The following DISP1 variants were observed in gnomAD, a reference collection of about 807,000 sequenced individuals.
DISP1 encodes the protein dispatched RND transporter family member 1.
DISP1 carries 30 observed loss-of-function variants against 37.3 expected under a neutral mutation model. That is an observed-to-expected ratio of 0.80 (90% CI 0.60 to 1.09). The LOEUF is 1.09. Ranked by LOEUF, DISP1 falls within the 50% of genes least tolerant of loss-of-function variation. DISP1 has a pLI of 0.00. For missense variants in DISP1, 1,598 were observed against 1,879.5 expected, an observed-to-expected ratio of 0.85 and a Z score of 2.77; for synonymous variants, 634 against 690.2, an observed-to-expected ratio of 0.92 and a Z score of 1.28.
chr1:222,933,228 A>G (rs1673512872), intron 2 of DISP1, among the ~76,000 whole-genome samples: 1 of 151,802 alleles, frequency 6.6e-6, no homozygotes, highest in Admixed American at 6.6e-5. Context: ...GGAAACTTTA[A>G]TTTTTCTTCT....
rs996584866 is a variant in DISP1, at chr1:222,991,556, T to C, written c.700T>C (p.Leu234=). Residue 234 remains leucine (L), a synonymous_variant, in exon 6 of 9, where the codon TTG becomes CTG. Transcript: ENST00000675850. ...AAGAGGAACAGCAATAGGCCAGAGA[T>C]TGGTCACATGGAATAATATGGTGAA... The part of the protein sequence containing the change: ...EPRGTAIGQR[L]VTWNNMVKNT... 1.1e-5 allele frequency: 17 copies of C among 1,613,770 alleles called. No homozygotes were observed. The highest frequency in any genetic ancestry group is 1.6e-4 in the Middle Eastern group (1 of 6,078).
At chr1:222,815,479 A>G (rs1168924102) in intron 1 of DISP1, among the ~76,000 whole-genome samples, 3 of 152,126 alleles carry the variant, frequency 2.0e-5, no homozygotes, top group Admixed American at 6.5e-5. Context: ...GAGAGGTTAC[A>G]GAGGAGGGAG....
At chr1:222,913,352 G>A (rs1264768197) in intron 1 of DISP1, among the ~76,000 whole-genome samples, 1 of 152,140 alleles carries the variant, frequency 6.6e-6, no homozygotes, top group African/African-American at 2.4e-5. Context: ...TAGCTTGCAT[G>A]TATCAATATA....
At chr1:222,933,999 CACCTT>C (rs1252224297) in intron 2 of DISP1, among the ~76,000 whole-genome samples, 1 of 151,954 alleles carries the variant, frequency 6.6e-6, no homozygotes, top group Non-Finnish European at 1.5e-5. Flanking sequence ...GGATGGATAA[CACCTT>C]TCCTTAATTT....
intron 8 of DISP1, among the ~76,000 whole-genome samples, chr1:222,997,343 A>G (rs1220379369): frequency 2.0e-5 from 3 of 152,182 alleles, no homozygotes; most frequent in South Asian, 2.1e-4. Context: ...AACAAAAGTC[A>G]TATAAATAGG....
At chr1:222,917,237 G>T (rs1672543440) in intron 1 of DISP1, among the ~76,000 whole-genome samples, 1 of 132,940 alleles carries the variant, frequency 7.5e-6, no homozygotes, top group Non-Finnish European at 1.6e-5. Context: ...TTCTGCATTT[G>T]TCCCCCCTTC....
At chr1:222,908,527 C>T (rs1415109897) in intron 1 of DISP1, among the ~76,000 whole-genome samples, 1 of 152,112 alleles carries the variant, frequency 6.6e-6, no homozygotes, top group Non-Finnish European at 1.5e-5. Flanking sequence ...TCCCCAGTAT[C>T]TGGGATTACA....
At chr1:222,885,075 G>A (rs1366073429) in intron 1 of DISP1, among the ~76,000 whole-genome samples, 4 of 152,062 alleles carry the variant, frequency 2.6e-5, no homozygotes, top group Admixed American at 2.6e-4. Context: ...TGATCCGCCC[G>A]CCTCGGCCTC....
At chr1:222,938,144 A>G (rs560069899) in intron 2 of DISP1, among the ~76,000 whole-genome samples, 223 of 152,246 alleles carry the variant, frequency 1.5e-3, no homozygotes, top group African/African-American at 5.2e-3. Context: ...AAGTGCTGGG[A>G]TTACAGGCAT....
intron 1 of DISP1, among the ~76,000 whole-genome samples, chr1:222,913,074 T>C (rs1353608204): frequency 6.6e-6 from 1 of 151,868 alleles, no homozygotes; most frequent in African/African-American, 2.4e-5. Context: ...CTAATTAGAC[T>C]TTAAAGTTTT....
At chr1:222,917,017 T>G (rs1672529597) in intron 1 of DISP1, among the ~76,000 whole-genome samples, 1 of 152,184 alleles carries the variant, frequency 6.6e-6, no homozygotes, top group East Asian at 1.9e-4. Context: ...TTCTTGTGAT[T>G]AGGCACATTT....
chr1:222,857,051 T>G (rs1163313917), intron 1 of DISP1, among the ~76,000 whole-genome samples: 1 of 152,266 alleles, frequency 6.6e-6, no homozygotes, highest in African/African-American at 2.4e-5. Flanking sequence ...ATTCAAAATA[T>G]TATCACCAAT....
chr1:222,894,895 G>A (rs886506784), intron 1 of DISP1, among the ~76,000 whole-genome samples: 20 of 152,256 alleles, frequency 1.3e-4, no homozygotes, highest in African/African-American at 4.6e-4. Flanking sequence ...AATAACCTAC[G>A]AGATTGAGAA....
intron 3 of DISP1, among the ~76,000 whole-genome samples, chr1:222,950,520 A>G (rs950627579): frequency 6.6e-6 from 1 of 152,102 alleles, no homozygotes; most frequent in Non-Finnish European, 1.5e-5. Context: ...GAATGGCCTG[A>G]ACCCGGGAGG....
intron 1 of DISP1, among the ~76,000 whole-genome samples, chr1:222,847,734 C>G (rs992410071): frequency 7.9e-5 from 12 of 152,040 alleles, no homozygotes; most frequent in South Asian, 2.1e-4. Context: ...CATGTGCAAC[C>G]CAGGGGGAAG....
At chr1:222,975,772 A>G (rs1677272685) in intron 3 of DISP1, among the ~76,000 whole-genome samples, 1 of 152,250 alleles carries the variant, frequency 6.6e-6, no homozygotes, top group Admixed American at 6.5e-5. Context: ...TCAAGTGTGA[A>G]GTGCCAAGGG....
At chr1:222,825,499 C>CTTTTTTTTT in intron 1 of DISP1, among the ~76,000 whole-genome samples, 2 of 131,820 alleles carry the variant, frequency 1.5e-5, no homozygotes, top group Non-Finnish European at 3.2e-5. Context: ...ACCTGTTTCT[C>CTTTTTTTTT]TTTTTTTTTT....
intron 1 of DISP1, among the ~76,000 whole-genome samples, chr1:222,821,347 G>T (rs1360511573): frequency 6.6e-5 from 10 of 152,206 alleles, no homozygotes; most frequent in African/African-American, 2.4e-4. Context: ...ACAGATGCCA[G>T]CTCCAAAGAT....
chr1:222,930,284 A>T (rs1037530855), intron 2 of DISP1, among the ~76,000 whole-genome samples: 2 of 152,156 alleles, frequency 1.3e-5, no homozygotes, highest in Admixed American at 6.5e-5. Flanking sequence ...GCCTTGACAT[A>T]CAGATGATAT....
Sources: gnomAD v4.1 joint callset for allele counts (sites outside exome capture counted in the v4.1 genomes callset) on GRCh38, gnomAD v4.1.1 for gene constraint, MANE v1.5 for transcripts, NCBI Gene and HGNC (gene_info 2026-07-23, HGNC 2026-07-21) for gene names.